Variants in NSD2 observed in about 807,000 individuals in gnomAD.
NSD2 encodes the protein nuclear receptor binding SET domain protein 2.
A neutral mutation model predicts 139.0 loss-of-function variants in NSD2; 12 were observed. The ratio of observed to expected loss-of-function variants is 0.09; its 90% confidence interval spans 0.06 to 0.14. The LOEUF is 0.14. Among genes scored for constraint, NSD2 ranks in the 10% least tolerant of loss-of-function variants. The probability of loss-of-function intolerance (pLI) is 1.00; values close to 1 mark genes in which losing one functional copy is unlikely to be tolerated. For synonymous variants in NSD2, 669 were observed against 648.7 expected, an observed-to-expected ratio of 1.03 and a Z score of -0.48; for missense variants, 1,155 against 1,745.0, an observed-to-expected ratio of 0.66 and a Z score of 6.02.
In NSD2 at chr4:1,981,372, T is replaced by C. The variant is rs1727747168; in HGVS notation, c.*2463T>C. On this transcript the variant is annotated 3_prime_UTR_variant, in exon 22 of 22. Transcript: ENST00000508803. ...AGCTGTGACCGTGGGTGTGGCTGGC[T>C]CTCGGCCCTGCCCAGCTTTGTTCTG... 8.6e-6 allele frequency: 2 copies of C among 233,340 alleles called. No individual in the cohort carries two copies. The highest frequency in any genetic ancestry group is 1.1e-4 in the Admixed American group (2 of 17,782). 14.5% of individuals were successfully genotyped at this position (233,340 alleles called of 1,614,324 possible).
chr4:1,872,161 A>G (rs142639234), intron 1 of NSD2, among the ~76,000 whole-genome samples: 5,475 of 151,946 alleles, frequency 0.036, 157 homozygotes, highest in Non-Finnish European at 0.056. Context: ...TCCCCCGGGA[A>G]GCCGGGCCGC....
Position 1,973,452 on chromosome 4 carries a change from G to A in NSD2, c.3373-1411G>A, listed in dbSNP as rs554833822. On this transcript the variant is annotated intron_variant, in intron 18 of 21. Transcript: ENST00000508803. The surrounding 1 kb of genome is among the most constrained non-coding windows in gnomAD (Gnocchi z 5.5). ...GCATGCCAACGTGCACATCAGCACC[G>A]CGGCTCAGCGCGTCATGACAAAGCA... 2.6e-5 allele frequency among the ~76,000 whole-genome samples: 4 copies of A among 152,348 alleles called. No homozygotes were observed. Among genetic ancestry groups the A allele is most frequent in the Admixed American group, 1.3e-4 (2 of 15,304 alleles).
At position 1,955,005 on chromosome 4, in the gene NSD2, A is replaced by T. The variant is rs1724655672; in HGVS notation, c.2339-156A>T. 6.6e-6 allele frequency among the ~76,000 whole-genome samples: 1 copy of T among 152,242 alleles called. No individual in the cohort carries two copies. The highest frequency in any genetic ancestry group is 2.4e-5 in the African/African-American group (1 of 41,460). On this transcript the variant is annotated intron_variant, in intron 12 of 21. Transcript: ENST00000508803. The surrounding 1 kb of genome is among the most constrained non-coding windows in gnomAD (Gnocchi z 4.7). The stretch of plus-strand genomic sequence containing the variant: ...ATTTTCTCAAACATGGTTTTGAAGC[A>T]CCTTTGCTCTGAAAGCTTTTTTTAA...
intron 9 of NSD2, chr4:1,940,411 G>A (rs1722963390): frequency 1.9e-6 from 2 of 1,063,208 alleles, no homozygotes; most frequent in African/African-American, 3.3e-5. Context: ...GCTGCTGCCT[G>A]CCATCATTGT....
At chr4:1,975,862 C>G (rs1727020533) in intron 20 of NSD2, among the ~76,000 whole-genome samples, 1 of 152,196 alleles carries the variant, frequency 6.6e-6, no homozygotes, top group Non-Finnish European at 1.5e-5. Flanking sequence ...ACCGTGTGAC[C>G]CCATCTTAAC....
rs1259655240 is a variant in NSD2, at chr4:1,980,144, A to G, written c.*1235A>G. ...GGTGTGCGTGCCTCGTACGTGTGTTATGGGCACTGGTCTAGGCCAGGTATG... is the reference window on the plus strand; with the variant it reads ...GGTGTGCGTGCCTCGTACGTGTGTTGTGGGCACTGGTCTAGGCCAGGTATG... On this transcript the variant is annotated 3_prime_UTR_variant, in exon 22 of 22. Coordinates refer to ENST00000508803, the MANE Select transcript of NSD2 (RefSeq NM_001042424.3). 4.3e-6 allele frequency: 1 copy of G among 233,236 alleles called. No individual in the cohort carries two copies. The highest frequency in any genetic ancestry group is 1.8e-4 in the South Asian group (1 of 5,530). The allele number at this position is 233,236 out of a possible 1,614,324, so 14.4% of individuals were successfully genotyped here.
Position 1,900,621 on chromosome 4 carries a change from C to T in NSD2, c.-29-5C>T, listed in dbSNP as rs1034154344. 15 of 1,479,194 alleles carry T rather than the reference C, an allele frequency of 1.0e-5. No homozygotes were observed. The highest frequency in any genetic ancestry group is 4.7e-5 in the East Asian group (2 of 42,892). 91.6% of individuals were successfully genotyped at this position (1,479,194 alleles called of 1,614,324 possible). A position where few individuals can be genotyped will look rare whatever the true frequency, so the allele number is the denominator to read the frequency against. ...CTTTCTTTTTTCTTTTTTTTAATAC[C>T]ATAGTGTTCTAAGAACGGAAGCATC... is the stretch of plus-strand genomic sequence containing the variant. On this transcript the variant is annotated splice_region_variant and splice_polypyrimidine_tract_variant and intron_variant, in intron 1 of 21. Coordinates refer to ENST00000508803, the MANE Select transcript of NSD2 (RefSeq NM_001042424.3).
At chr4:1,883,847 C>T (rs1277077709) in intron 1 of NSD2, among the ~76,000 whole-genome samples, 2 of 152,160 alleles carry the variant, frequency 1.3e-5, no homozygotes, top group Admixed American at 6.5e-5. Flanking sequence ...GAGTGTGGCC[C>T]ACATGGAGCT....
intron 2 of NSD2, among the ~76,000 whole-genome samples, chr4:1,902,103 A>G (rs1015176223): frequency 6.6e-6 from 1 of 152,208 alleles, no homozygotes; most frequent in Non-Finnish European, 1.5e-5. Context: ...GTTGCTTTTT[A>G]GTTGTAACTC....
chr4:1,911,587 C>CAAGAAAAAAAAA (rs1718673187), intron 3 of NSD2, among the ~76,000 whole-genome samples: 1 of 42,076 alleles, frequency 2.4e-5, no homozygotes, highest in Non-Finnish European at 4.6e-5. Context: ...GACGCCATCT[C>CAAGAAAAAAAAA]AAAAAAAAAA....
At chr4:1,892,121 CAG>C (rs1715621420) in intron 1 of NSD2, 1 of 152,046 alleles carries the variant, frequency 6.6e-6, no homozygotes, top group Non-Finnish European at 1.5e-5. Context: ...GGGTGGGACT[CAG>C]TGGTTCTTTA....
At chr4:1,872,625 AGAGAGAGAGAGCGC>A (rs1713935772) in intron 1 of NSD2, among the ~76,000 whole-genome samples, 1 of 144,118 alleles carries the variant, frequency 6.9e-6, no homozygotes, top group African/African-American at 2.6e-5. Context: ...AGAGAGAGAG[AGAGAGAGAGAGCGC>A]GCAGACCCTG....
rs1184502964 is a variant in NSD2, at chr4:1,980,362, T to C, written c.*1453T>C. On this transcript the variant is annotated 3_prime_UTR_variant, in exon 22 of 22. Coordinates refer to ENST00000508803, the MANE Select transcript of NSD2 (RefSeq NM_001042424.3). ...CCTTTGCCCACGTGTCCTGAGGGGC[T>C]GCTTGTCTGGGAGGGAGGGAGAGAA... 1.3e-5 allele frequency: 3 copies of C among 233,236 alleles called. No homozygotes were observed. Among genetic ancestry groups the C allele is most frequent in the Non-Finnish European group, 1.7e-5 (2 of 118,020 alleles). 14.4% of individuals were successfully genotyped at this position (233,236 alleles called of 1,614,324 possible).
intron 1 of NSD2, chr4:1,892,906 A>T (rs1715708034): frequency 6.6e-6 from 1 of 152,058 alleles, no homozygotes; most frequent in South Asian, 2.1e-4. Flanking sequence ...TTTTTGTTTT[A>T]ACCTCTGTAT....
intron 5 of NSD2, among the ~76,000 whole-genome samples, chr4:1,927,288 A>G (rs1035768351): frequency 5.3e-5 from 8 of 152,114 alleles, no homozygotes; most frequent in African/African-American, 1.7e-4. Context: ...GCACTATGTT[A>G]TTGACTACGC....
chr4:1,921,193 C>T (rs1300089513), intron 5 of NSD2, among the ~76,000 whole-genome samples: 3 of 152,230 alleles, frequency 2.0e-5, no homozygotes, highest in Non-Finnish European at 4.4e-5. Flanking sequence ...CATGGTGGCT[C>T]ACACCTGTAA....
At chr4:1,938,416 CTTTTTTTTTT>C (rs746279426) in intron 7 of NSD2, 25 bp from the exon 8 acceptor site, 88 of 325,858 alleles carry the variant, frequency 2.7e-4, no homozygotes, top group Middle Eastern at 1.9e-3. Flanking sequence ...TTTTTTCTTT[CTTTTTTTTTT>C]TTTTTTTTTT....
Position 1,981,718 on chromosome 4 carries a change from C to A in NSD2, c.*2809C>A. 1 of 396,088 alleles carries A rather than the reference C, an allele frequency of 2.5e-6. No individual in the cohort carries two copies. The highest frequency in any genetic ancestry group is 4.4e-6 in the Non-Finnish European group (1 of 224,974). The allele number at this position is 396,088 out of a possible 1,614,324, so 24.5% of individuals were successfully genotyped here. ...TGTTTGTCTGTCTTGACATCTAAAC[C>A]CCGGCGTGTGCAGTGCCCATCTTCC... On this transcript the variant is annotated 3_prime_UTR_variant, in exon 22 of 22. Transcript: ENST00000508803.
intron 3 of NSD2, among the ~76,000 whole-genome samples, chr4:1,915,017 T>A (rs532114837): frequency 8.5e-5 from 13 of 152,270 alleles, no homozygotes; most frequent in African/African-American, 3.1e-4. Context: ...TACAGGTTGC[T>A]ATGGAAATAG....
Sources: gnomAD v4.1 joint callset for allele counts (sites outside exome capture counted in the v4.1 genomes callset) on GRCh38, gnomAD v4.1.1 for gene constraint, Gnocchi (gnomAD v3.1) non-coding constraint, MANE v1.5 for transcripts, NCBI Gene and HGNC (gene_info 2026-07-23, HGNC 2026-07-21) for gene names.